EXOC4: variants seen among roughly 807,000 people sequenced by gnomAD.
The protein encoded by EXOC4 is SEC8-like 1.
Under a neutral mutation model 107.2 loss-of-function variants are expected in EXOC4, and 71 were observed. The ratio of observed to expected loss-of-function variants is 0.66; its 90% CI spans 0.55 to 0.81. EXOC4 has a LOEUF of 0.81. Ranked by LOEUF, EXOC4 falls within the 30% of genes least tolerant of loss-of-function variation. EXOC4 has a pLI of 0.00. For synonymous variants in EXOC4, 456 were observed against 441.2 expected (o/e 1.03, Z -0.42); for missense variants, 1,108 against 1,189.6 (o/e 0.93, Z 1.01).
chr7:133,795,262 C>A (rs1796790679), intron 10 of EXOC4, among the ~76,000 whole-genome samples: 1 of 152,162 alleles, frequency 6.6e-6, no homozygotes, highest in South Asian at 2.1e-4. Context: ...AAGTTGTCTG[C>A]TTTCAAGGTT....
At chr7:133,971,551 A>G (rs532642148) in intron 14 of EXOC4, among the ~76,000 whole-genome samples, 46 of 151,948 alleles carry the variant, frequency 3.0e-4, no homozygotes, top group African/African-American at 9.9e-4. Context: ...AGATTTTTCT[A>G]TCAAGAGGTG....
intron 7 of EXOC4, among the ~76,000 whole-genome samples, chr7:133,420,118 C>A (rs1232946256): frequency 1.6e-5 from 2 of 127,262 alleles, no homozygotes; most frequent in South Asian, 3.0e-4. Context: ...TATCCCTCCC[C>A]CCTCCCCCCA....
intron 6 of EXOC4, among the ~76,000 whole-genome samples, chr7:133,372,641 C>G (rs1013171056): frequency 1.3e-5 from 2 of 152,112 alleles, no homozygotes; most frequent in African/African-American, 4.8e-5. Flanking sequence ...CTCATTGGCC[C>G]TGGAGATAAC....
chr7:133,862,200 C>T (rs538413824), intron 11 of EXOC4, among the ~76,000 whole-genome samples: 1 of 148,634 alleles, frequency 6.7e-6, no homozygotes, highest in South Asian at 2.1e-4. Context: ...TTAAAAAGAG[C>T]TTTATTCTAG....
At chr7:133,305,811 C>T in intron 3 of EXOC4, 66 bp from the exon 4 acceptor site, 2 of 1,364,574 alleles carry the variant, frequency 1.5e-6, no homozygotes, top group South Asian at 1.5e-5. Context: ...AGACGTCTTT[C>T]TTATTTATAA....
intron 11 of EXOC4, among the ~76,000 whole-genome samples, chr7:133,872,476 A>G (rs1180663167): frequency 6.6e-6 from 1 of 152,206 alleles, no homozygotes. Context: ...GACCATCTGG[A>G]AATCTCTAGT....
chr7:133,401,609 C>T (rs1331687326), intron 7 of EXOC4, among the ~76,000 whole-genome samples: 1 of 150,410 alleles, frequency 6.6e-6, no homozygotes, highest in African/African-American at 2.5e-5. Flanking sequence ...CTGCAGTGAG[C>T]TATGTTGCTG....
chr7:133,297,334 G>A (rs533404643), intron 3 of EXOC4, among the ~76,000 whole-genome samples: 1 of 152,222 alleles, frequency 6.6e-6, no homozygotes, highest in South Asian at 2.1e-4. Flanking sequence ...CTGTCATTTT[G>A]TTGCTCTGAT....
At chr7:133,787,963 T>TATATATATA (rs1796616109) in intron 10 of EXOC4, among the ~76,000 whole-genome samples, 1 of 40,978 alleles carries the variant, frequency 2.4e-5, no homozygotes, top group East Asian at 1.6e-3. Context: ...ATTTATATAT[T>TATATATATA]TATATATATA....
chr7:134,088,687 A>G, the EXOC4 span, among the ~76,000 whole-genome samples: 3 of 152,220 alleles, frequency 2.0e-5, no homozygotes, highest in African/African-American at 7.2e-5. Context: ...TTGGAGTTCT[A>G]CAGCTGACTA....
At chr7:133,730,150 A>G (rs1361088857) in intron 10 of EXOC4, among the ~76,000 whole-genome samples, 3 of 147,458 alleles carry the variant, frequency 2.0e-5, no homozygotes, top group Admixed American at 6.9e-5. Context: ...AAGGATGACA[A>G]ACAAACAAAA....
intron 7 of EXOC4, among the ~76,000 whole-genome samples, chr7:133,422,389 T>C (rs1797626940): frequency 6.6e-6 from 1 of 152,250 alleles, no homozygotes; most frequent in South Asian, 2.1e-4. Flanking sequence ...GTCTTCCTTA[T>C]AGCTTGTATC....
intron 5 of EXOC4, among the ~76,000 whole-genome samples, chr7:133,331,609 G>T (rs891890114): frequency 2.0e-5 from 3 of 151,888 alleles, no homozygotes; most frequent in Non-Finnish European, 4.4e-5. Flanking sequence ...GGGACTACAG[G>T]CGCCCGCCAC....
intron 7 of EXOC4, among the ~76,000 whole-genome samples, chr7:133,401,643 C>T (rs1347377092): frequency 6.9e-6 from 1 of 144,822 alleles, no homozygotes; most frequent in Non-Finnish European, 1.5e-5. Flanking sequence ...GCCTGGGTGA[C>T]CCTGTCTTAA....
intron 15 of EXOC4, among the ~76,000 whole-genome samples, chr7:134,004,388 A>T (rs1057508438): frequency 6.6e-5 from 10 of 152,138 alleles, no homozygotes; most frequent in Non-Finnish European, 1.5e-4. Context: ...GTGGATAAGG[A>T]ACTGAGGGAT....
intron 10 of EXOC4, among the ~76,000 whole-genome samples, chr7:133,696,405 C>A (rs2151082521): frequency 6.6e-6 from 1 of 152,314 alleles, no homozygotes; most frequent in African/African-American, 2.4e-5. Context: ...TCCCCTGACT[C>A]TCCTCCTCTG....
chr7:133,587,581 G>A (rs879432893), intron 9 of EXOC4, among the ~76,000 whole-genome samples: 8 of 152,170 alleles, frequency 5.3e-5, no homozygotes, highest in Non-Finnish European at 8.8e-5. Context: ...GTCAGATTGA[G>A]CAAAAATCAT....
chr7:133,845,659 C>G (rs913991737), intron 11 of EXOC4, among the ~76,000 whole-genome samples: 1 of 152,074 alleles, frequency 6.6e-6, no homozygotes. Context: ...GCATCTCACT[C>G]TCAGCTAGTG....
At chr7:134,088,071 C>T in the EXOC4 span, among the ~76,000 whole-genome samples, 31 of 152,242 alleles carry the variant, frequency 2.0e-4, no homozygotes, top group East Asian at 6.0e-3. Context: ...GATAACTTAG[C>T]TCTCCTAGGC....
Sources: allele counts gnomAD v4.1 joint callset (sites outside exome capture counted in the v4.1 genomes callset), GRCh38; gene constraint gnomAD v4.1.1; transcripts MANE v1.5; gene names NCBI Gene and HGNC (gene_info 2026-07-23, HGNC 2026-07-21).